The following TRAPPC9 variants were observed in gnomAD, a reference collection of about 807,000 sequenced individuals.
TRAPPC9 encodes the protein IKK2 binding protein.
In TRAPPC9, 83 loss-of-function variants were observed where a neutral mutation model predicts 124.0. The ratio of observed to expected loss-of-function variants is 0.67; its 90% CI spans 0.56 to 0.80. TRAPPC9 has a LOEUF of 0.80. Among genes scored for constraint, TRAPPC9 ranks in the 30% least tolerant of loss-of-function variants. The pLI, the probability that TRAPPC9 is intolerant of heterozygous loss-of-function variation, is 0.00. For synonymous variants in TRAPPC9, 638 were observed against 617.5 expected, an observed-to-expected ratio of 1.03 and a Z score of -0.49; for missense variants, 1,302 against 1,508.3, an observed-to-expected ratio of 0.86 and a Z score of 2.27.
rs1263515921 is a variant in TRAPPC9, at chr8:140,388,455, G to A, written c.1134+9165C>T. Among the ~76,000 whole-genome samples, 9 of 151,788 alleles carry A rather than the reference G, an allele frequency of 5.9e-5. No homozygotes were observed. In the South Asian group the frequency reaches 6.2e-4, roughly 11 times the overall value. On this transcript the variant is annotated intron_variant, in intron 7 of 22. Transcript: ENST00000438773. ...TCCCAGCACTTTGGGAGGCCAAGGC[G>A]GGCGGATCACCTGAAGTTGGGAGTT... is the stretch of plus-strand genomic sequence containing the variant.
intron 17 of TRAPPC9, among the ~76,000 whole-genome samples, chr8:140,101,493 T>A (rs1292310604): frequency 6.6e-6 from 1 of 151,900 alleles, no homozygotes; most frequent in Non-Finnish European, 1.5e-5. Context: ...ATTTGAAAAT[T>A]CTGGTTACTA....
chr8:139,970,084 C>T (rs1385624205), intron 19 of TRAPPC9, among the ~76,000 whole-genome samples: 1 of 152,202 alleles, frequency 6.6e-6, no homozygotes, highest in African/African-American at 2.4e-5. Context: ...TAAACCACAG[C>T]CTGTTTTCTA....
intron 17 of TRAPPC9, among the ~76,000 whole-genome samples, chr8:140,101,185 G>C (rs1275385667): frequency 6.6e-6 from 1 of 152,210 alleles, no homozygotes; most frequent in Non-Finnish European, 1.5e-5. Context: ...TGTCACCCAG[G>C]CTGGAGTGCA....
intron 10 of TRAPPC9, among the ~76,000 whole-genome samples, chr8:140,304,694 T>C (rs947305898): frequency 2.0e-5 from 3 of 152,192 alleles, no homozygotes; most frequent in Non-Finnish European, 2.9e-5. Context: ...TCAGTCAGCA[T>C]CGGCAGACAC....
At chr8:139,953,515 A>G (rs1834792025) in intron 19 of TRAPPC9, among the ~76,000 whole-genome samples, 1 of 152,232 alleles carries the variant, frequency 6.6e-6, no homozygotes, top group Non-Finnish European at 1.5e-5. Flanking sequence ...AGAAGTAAAC[A>G]TTAAAGGAAA....
intron 6 of TRAPPC9, among the ~76,000 whole-genome samples, chr8:140,399,130 T>A (rs2069178872): frequency 6.6e-6 from 1 of 152,228 alleles, no homozygotes. Flanking sequence ...AGTTTCCGCC[T>A]AGATTTCAGG....
At position 140,197,642 on chromosome 8, in the gene TRAPPC9, G is replaced by A. The variant is rs150596940; in HGVS notation, c.2556+23817C>T. Among the ~76,000 whole-genome samples, 814 of 152,238 alleles carry A rather than the reference G, an allele frequency of 5.3e-3. 5 individuals carry two copies. Among genetic ancestry groups the A allele is most frequent in the African/African-American group, 0.018 (740 of 41,544 alleles). On this transcript the variant is annotated intron_variant, in intron 17 of 22. Transcript: ENST00000438773. ...CCTCTTTCCTTACCAGATACGTATT[G>A]ACATTTGGGCCACAATCCAACCCTT...
rs1288074664 is a variant in TRAPPC9 at position 140,451,103 on chromosome 8, C to T, written c.271G>A (p.Asp91Asn). 1.2e-6 allele frequency: 2 copies of T among 1,614,052 alleles called. No individual in the cohort carries two copies. The highest frequency in any genetic ancestry group is 1.7e-6 in the Non-Finnish European group (2 of 1,179,994). The change falls in exon 2 of 23, where the codon GAC becomes AAC. Residue 91 changes from aspartate to asparagine, a missense_variant. Physicochemically the swap from Asp to Asn is conservative, Grantham distance 23. Around this residue, in one of 3 missense-constraint regions of TRAPPC9, gnomAD observed 657 missense variants for 811.2 expected, o/e 0.81. Coordinates refer to ENST00000438773, the MANE Select transcript of TRAPPC9 (RefSeq NM_001160372.4). ...ITITDCFSAK[D>N]WPQTFEKFHV... ...AACTTCTCAAAGGTCTGTGGCCAGT[C>T]CTTGGCCGAGAAGCAGTCTGTGATG...
intron 22 of TRAPPC9, 95 bp from the exon 23 acceptor site, chr8:139,731,323 T>TA: frequency 1.3e-6 from 2 of 1,492,522 alleles, no homozygotes; most frequent in Non-Finnish European, 1.8e-6. Context: ...ACATAGGTGT[T>TA]ATGGGGGAAG....
chr8:139,750,351 T>C lies in TRAPPC9; in HGVS notation c.3056-18149A>G, dbSNP rs1029825388. ...GAGGCAAACCACGCCTCCCCAGGCC[T>C]CAGCAGGCTCAGGTCTACCGTGCCT... On this transcript the variant is annotated intron_variant, in intron 21 of 22. Coordinates refer to ENST00000438773, the MANE Select transcript of TRAPPC9 (RefSeq NM_001160372.4). Among the ~76,000 whole-genome samples the C allele has an allele frequency of 4.6e-5, 7 of 152,296 alleles. No individual in the cohort carries two copies. In the East Asian group the frequency reaches 1.4e-3, roughly 29 times the overall value.
chr8:140,387,881 C>T (rs2068799307), intron 7 of TRAPPC9, among the ~76,000 whole-genome samples: 1 of 152,046 alleles, frequency 6.6e-6, no homozygotes, highest in Non-Finnish European at 1.5e-5. Flanking sequence ...TGGGTATATA[C>T]CGAAAGGATT....
intron 6 of TRAPPC9, among the ~76,000 whole-genome samples, chr8:140,398,643 T>C (rs1361216366): frequency 6.6e-6 from 1 of 152,166 alleles, no homozygotes; most frequent in Non-Finnish European, 1.5e-5. Flanking sequence ...GCAGAAGAAA[T>C]TTCTAAGCAG....
intron 16 of TRAPPC9, among the ~76,000 whole-genome samples, chr8:140,248,592 G>C (rs1483892467): frequency 1.3e-5 from 2 of 152,142 alleles, no homozygotes; most frequent in East Asian, 3.8e-4. Flanking sequence ...TGGGTATTTG[G>C]TTTTTCTATT....
At chr8:140,138,210 A>G (rs2061334270) in intron 17 of TRAPPC9, among the ~76,000 whole-genome samples, 1 of 152,190 alleles carries the variant, frequency 6.6e-6, no homozygotes, top group African/African-American at 2.4e-5. Flanking sequence ...GCTAAAGCAG[A>G]AGAATCACTT....
chr8:140,077,762 G>C (rs1020612734), intron 17 of TRAPPC9, among the ~76,000 whole-genome samples: 14 of 152,148 alleles, frequency 9.2e-5, no homozygotes, highest in Non-Finnish European at 1.9e-4. Flanking sequence ...TGTTGAGATG[G>C]GGAGAAAGCA....
intron 17 of TRAPPC9, among the ~76,000 whole-genome samples, chr8:140,150,816 G>A (rs925844237): frequency 8.2e-5 from 9 of 109,746 alleles, no homozygotes; most frequent in African/African-American, 3.0e-4. Context: ...CTCCAGGCTC[G>A]GCCACCCCTC....
chr8:139,888,598 A>T (rs1830154125), intron 20 of TRAPPC9, among the ~76,000 whole-genome samples: 1 of 151,480 alleles, frequency 6.6e-6, no homozygotes, highest in African/African-American at 2.4e-5. Context: ...GTTGCCTCGA[A>T]CTCCCTTGGG....
chr8:139,801,056 C>T lies in TRAPPC9; in HGVS notation c.3056-68854G>A, dbSNP rs370885985. On this transcript the variant is annotated intron_variant, in intron 21 of 22. Coordinates refer to ENST00000438773, the MANE Select transcript of TRAPPC9 (RefSeq NM_001160372.4). The stretch of plus-strand genomic sequence containing the variant: ...GTACCTTCCCTCCCTCCGGCACCTT[C>T]CCTCCCTCCAGTATCTTCCCTCCCT... Among the ~76,000 whole-genome samples, 4 of 127,630 alleles carry T rather than the reference C, an allele frequency of 3.1e-5. No individual in the cohort carries two copies. The South Asian group carries it at 8.5e-4, about 27-fold the overall frequency. 83.7% of individuals were successfully genotyped at this position (127,630 alleles called of 152,430 possible). A position where few individuals can be genotyped will look rare whatever the true frequency, so the allele number is the denominator to read the frequency against.
At chr8:140,292,305 C>T (rs1023712896) in intron 11 of TRAPPC9, among the ~76,000 whole-genome samples, 4 of 152,134 alleles carry the variant, frequency 2.6e-5, no homozygotes, top group South Asian at 2.1e-4. Context: ...CACTGCAAGG[C>T]AAACACTCAA....
Sources: allele counts gnomAD v4.1 joint callset (sites outside exome capture counted in the v4.1 genomes callset), GRCh38; gene constraint gnomAD v4.1.1; regional missense constraint gnomAD v4.1.1; transcripts MANE v1.5; gene names NCBI Gene and HGNC (gene_info 2026-07-23, HGNC 2026-07-21).